NRDE2: variants seen among roughly 807,000 people sequenced by gnomAD.
NRDE2 encodes the protein NRDE-2, necessary for RNA interference, domain containing, also known as nuclear exosome regulator NRDE2.
In NRDE2, 76 loss-of-function variants were observed where a neutral mutation model predicts 124.2. The observed-to-expected ratio is 0.61, with a 90% CI of 0.51 to 0.74. NRDE2 has a LOEUF of 0.74. Among genes scored for constraint, NRDE2 ranks in the 30% least tolerant of loss-of-function variants. NRDE2 has a pLI of 0.00. For synonymous variants in NRDE2, 489 were observed against 528.1 expected, an observed-to-expected ratio of 0.93 and a Z score of 1.01; for missense variants, 1,314 against 1,417.3, an observed-to-expected ratio of 0.93 and a Z score of 1.17.
intron 12 of NRDE2, 83 bp from the exon 13 acceptor site, chr14:90,279,216 A>ACAAG (rs1891887735): frequency 7.5e-6 from 8 of 1,069,758 alleles, no homozygotes; most frequent in Non-Finnish European, 1.0e-5. Flanking sequence ...GATGACGGGC[A>ACAAG]CAAGCCCTCA....
At chr14:90,284,178 A>G (rs1262265395) in intron 12 of NRDE2, among the ~76,000 whole-genome samples, 2 of 152,116 alleles carry the variant, frequency 1.3e-5, no homozygotes, top group Non-Finnish European at 2.9e-5. Flanking sequence ...GAATTCTGGA[A>G]TCAAAGACAG....
rs1891695172 is a variant in NRDE2, at chr14:90,272,469, G to T, written c.*5867C>A. 1.6e-6 allele frequency: 2 copies of T among 1,260,124 alleles called. No individual in the cohort carries two copies. The highest frequency in any genetic ancestry group is 1.1e-6 in the Non-Finnish European group (1 of 916,216). The allele number at this position is 1,260,124 out of a possible 1,614,324, so 78.1% of individuals were successfully genotyped here. On this transcript the variant is annotated 3_prime_UTR_variant, in exon 14 of 14. Coordinates refer to ENST00000354366, the MANE Select transcript of NRDE2 (RefSeq NM_017970.4). This position sits in a 1 kb window ranked among gnomAD's most constrained non-coding sequence, Gnocchi z 4.5. ...TTTCTCAATCCCTGAAAGGGATGAG[G>T]TTGGGGGAGTTGCCCAGAGGAATCC...
At chr14:90,324,993 A>T (rs1487689324) in intron 1 of NRDE2, among the ~76,000 whole-genome samples, 1 of 152,136 alleles carries the variant, frequency 6.6e-6, no homozygotes, top group Non-Finnish European at 1.5e-5. Context: ...CTGTTGTAGT[A>T]ATCTAGGAGA....
At chr14:90,315,801 C>T (rs751173957) in intron 3 of NRDE2, among the ~76,000 whole-genome samples, 1 of 150,586 alleles carries the variant, frequency 6.6e-6, no homozygotes, top group Non-Finnish European at 1.5e-5. Context: ...ACTAAAAATA[C>T]AAAAAATTAG....
At chr14:90,325,004 CGAT>C (rs1566703072) in intron 1 of NRDE2, among the ~76,000 whole-genome samples, 4 of 151,666 alleles carry the variant, frequency 2.6e-5, no homozygotes, top group Non-Finnish European at 4.4e-5. Context: ...ATCTAGGAGA[CGAT>C]GACGGCAAAA....
At chr14:90,284,574 G>A (rs986079855) in intron 12 of NRDE2, among the ~76,000 whole-genome samples, 3 of 151,816 alleles carry the variant, frequency 2.0e-5, no homozygotes, top group Non-Finnish European at 2.9e-5. Context: ...TCGCCATGTC[G>A]GCCAGGCTGG....
In NRDE2 at chr14:90,325,342, C is replaced by T. The variant is rs558379720; in HGVS notation, c.64+6499G>A. 3.3e-5 allele frequency among the ~76,000 whole-genome samples: 5 copies of T among 152,240 alleles called. No individual in the cohort carries two copies. In the East Asian group the frequency reaches 9.6e-4, roughly 29 times the overall value. ...GCAACAATGTTCTAGGGTACACGATCCTAGTCAACAATCTGAGGGTAGGAA... is the reference window on the plus strand; with the variant it reads ...GCAACAATGTTCTAGGGTACACGATTCTAGTCAACAATCTGAGGGTAGGAA... On this transcript the variant is annotated intron_variant, in intron 1 of 13. Coordinates refer to ENST00000354366, the MANE Select transcript of NRDE2 (RefSeq NM_017970.4).
At chr14:90,290,976 C>T (rs117525472) in intron 9 of NRDE2, among the ~76,000 whole-genome samples, 75 of 152,276 alleles carry the variant, frequency 4.9e-4, no homozygotes, top group Admixed American at 1.3e-3. Context: ...ACTTTGATAA[C>T]GCATGATGGT....
rs920184633 is a variant in NRDE2, at chr14:90,271,012, T to C, written c.*7324A>G. 3.3e-5 allele frequency: 5 copies of C among 151,930 alleles called. No individual in the cohort carries two copies. The highest frequency in any genetic ancestry group is 1.5e-5 in the Non-Finnish European group (1 of 68,020). 9.4% of individuals were successfully genotyped at this position (151,930 alleles called of 1,614,324 possible). ...AGTCCTAGAGAACTAGATGTCTCTG[T>C]TGGCAAGTAAAATCTATCTTCTTTT... On this transcript the variant is annotated 3_prime_UTR_variant, in exon 14 of 14. Coordinates refer to ENST00000354366, the MANE Select transcript of NRDE2 (RefSeq NM_017970.4).
chr14:90,286,227 T>G, intron 12 of NRDE2, 127 bp downstream of exon 12: 17 of 1,031,922 alleles, frequency 1.6e-5, no homozygotes, highest in East Asian at 2.6e-5. Flanking sequence ...GCCAAGAAGA[T>G]GAGAGTGAAA....
At chr14:90,309,063 A>G (rs571397746) in intron 4 of NRDE2, among the ~76,000 whole-genome samples, 1 of 152,228 alleles carries the variant, frequency 6.6e-6, no homozygotes, top group African/African-American at 2.4e-5. Flanking sequence ...TAAAACGGTG[A>G]AACTCCATCT....
At position 90,312,550 on chromosome 14, in the gene NRDE2, G is replaced by T; in HGVS notation, c.408-7C>A. The T allele has an allele frequency of 6.2e-7, 1 of 1,613,726 alleles. No homozygotes were observed. Among genetic ancestry groups the T allele is most frequent in the South Asian group, 1.1e-5 (1 of 91,062 alleles). ...TGCAGCATTATTTCCTTGACTGTGG[G>T]ACAAAGGAAGAAGAAGAAGGGAGAG... On this transcript the variant is annotated splice_polypyrimidine_tract_variant and splice_region_variant and intron_variant, in intron 3 of 13. Transcript: ENST00000354366.
In NRDE2 at chr14:90,312,503, C is replaced by G. The variant is rs773920143; in HGVS notation, c.448G>C (p.Val150Leu). 5.6e-6 allele frequency: 9 copies of G among 1,614,122 alleles called. No individual in the cohort carries two copies. Among genetic ancestry groups the G allele is most frequent in the Non-Finnish European group, 6.8e-6 (8 of 1,180,008 alleles). Residue 150 changes from valine to leucine, a missense_variant, in exon 4 of 14, where the codon GTT becomes CTT. Coordinates refer to ENST00000354366, the MANE Select transcript of NRDE2 (RefSeq NM_017970.4). ...NAAADTGHRFVWLEDIQAVTG... is the reference protein window; with the variant it reads ...NAAADTGHRFLWLEDIQAVTG... ...ACAGCCTGAATGTCCTCAAGCCAAA[C>G]AAAGCGATGTCCAGTATCAGCTGCA...
rs1164222145 is a variant in NRDE2, at chr14:90,270,530, A to G, written c.*7806T>C. On this transcript the variant is annotated 3_prime_UTR_variant, in exon 14 of 14. Transcript: ENST00000354366. ...TGTGCTTGATATTGAAGTCATTCTT[A>G]ATGCATCATTTTATGCAGTGAATGA... 34 of 670,396 alleles carry G rather than the reference A, an allele frequency of 5.1e-5. No individual in the cohort carries two copies. Among genetic ancestry groups the G allele is most frequent in the Non-Finnish European group, 7.9e-5 (34 of 432,268 alleles). The allele number at this position is 670,396 out of a possible 1,614,324, so 41.5% of individuals were successfully genotyped here. A position where few individuals can be genotyped will look rare whatever the true frequency, so the allele number is the denominator to read the frequency against.
intron 1 of NRDE2, among the ~76,000 whole-genome samples, chr14:90,326,668 G>C (rs972053907): frequency 6.6e-6 from 1 of 151,972 alleles, no homozygotes; most frequent in Non-Finnish European, 1.5e-5. Context: ...GAATATACCT[G>C]GTTTACAATC....
intron 1 of NRDE2, among the ~76,000 whole-genome samples, chr14:90,319,665 C>G (rs1885173920): frequency 6.6e-6 from 1 of 152,174 alleles, no homozygotes; most frequent in Non-Finnish European, 1.5e-5. Flanking sequence ...GTATCACTAC[C>G]TCATTCGTTT....
intron 9 of NRDE2, among the ~76,000 whole-genome samples, chr14:90,292,447 T>C (rs1039086160): frequency 6.6e-6 from 1 of 152,182 alleles, no homozygotes; most frequent in Admixed American, 6.5e-5. Context: ...ACCCACCTAC[T>C]AGGGGACAGA....
chr14:90,324,413 T>G (rs1355824892), intron 1 of NRDE2, among the ~76,000 whole-genome samples: 2 of 152,080 alleles, frequency 1.3e-5, no homozygotes, highest in African/African-American at 4.8e-5. Flanking sequence ...GGGTGGCTCA[T>G]GCCTGCAATC....
intron 1 of NRDE2, 56 bp from the exon 2 acceptor site, chr14:90,318,169 C>T: frequency 7.3e-7 from 1 of 1,371,466 alleles, no homozygotes; most frequent in Non-Finnish European, 1.0e-6. Flanking sequence ...GATTCTAAAG[C>T]AGGAGATCTA....
Sources: allele counts gnomAD v4.1 joint callset (sites outside exome capture counted in the v4.1 genomes callset), GRCh38; gene constraint gnomAD v4.1.1; non-coding constraint Gnocchi (gnomAD v3.1); transcripts MANE v1.5; gene names NCBI Gene and HGNC (gene_info 2026-07-23, HGNC 2026-07-21).